RORA: variants seen among roughly 807,000 people sequenced by gnomAD.
RORA encodes nuclear receptor ROR-alpha.
A neutral mutation model predicts 69.5 loss-of-function variants in RORA; 7 were observed. That is an observed-to-expected ratio of 0.10 (90% CI 0.06 to 0.19). RORA has a LOEUF of 0.19. RORA is among the 10% of genes least tolerant of loss of function. RORA has a pLI of 1.00. For synonymous variants in RORA, 261 were observed against 240.8 expected (o/e 1.08, Z -0.78); for missense variants, 457 against 663.0 (o/e 0.69, Z 3.41).
Position 60,920,929 on chromosome 15 carries a change from A to C in RORA, c.167-242243T>G, listed in dbSNP as rs577128842. 2.0e-5 allele frequency among the ~76,000 whole-genome samples: 3 copies of C among 152,316 alleles called. No individual in the cohort carries two copies. In the South Asian group the frequency reaches 6.2e-4, roughly 32 times the overall value. On this transcript the variant is annotated intron_variant, in intron 1 of 10. Transcript: ENST00000335670. ...AAACTCACTTCAAGGAAGATTTATG[A>C]AGCCTTGAAGGTCTGGATTGGGCCT... is the stretch of plus-strand genomic sequence containing the variant.
intron 1 of RORA, among the ~76,000 whole-genome samples, chr15:61,121,013 A>G (rs1406580173): frequency 2.6e-5 from 4 of 151,610 alleles, no homozygotes; most frequent in African/African-American, 9.7e-5. Context: ...ACACCCGGCT[A>G]ATTTTTTTGT....
chr15:60,993,995 A>G (rs1347118068), intron 1 of RORA, among the ~76,000 whole-genome samples: 1 of 152,212 alleles, frequency 6.6e-6, no homozygotes, highest in Non-Finnish European at 1.5e-5. Flanking sequence ...GGCAAAAAAC[A>G]TGTGTTACCC....
At chr15:61,209,356 C>T (rs762307227) in intron 1 of RORA, among the ~76,000 whole-genome samples, 4 of 151,656 alleles carry the variant, frequency 2.6e-5, no homozygotes, top group Admixed American at 1.3e-4. Context: ...TGATTTCAAA[C>T]AGTACAGGAA....
At chr15:61,019,383 T>A (rs1264607236) in intron 1 of RORA, among the ~76,000 whole-genome samples, 2 of 152,214 alleles carry the variant, frequency 1.3e-5, no homozygotes, top group Admixed American at 1.3e-4. Context: ...GGGTTCTTCC[T>A]CCATTTTGTG....
intron 1 of RORA, among the ~76,000 whole-genome samples, chr15:60,688,867 T>C (rs1441294075): frequency 6.6e-6 from 1 of 152,170 alleles, no homozygotes; most frequent in Non-Finnish European, 1.5e-5. Flanking sequence ...CCAATGACTA[T>C]AGGGCATATG....
intron 1 of RORA, among the ~76,000 whole-genome samples, chr15:61,142,157 T>C (rs78839170): frequency 7.0e-6 from 1 of 143,356 alleles, no homozygotes; most frequent in Non-Finnish European, 1.5e-5. Context: ...GTTTTTTTTT[T>C]TATTGTTGTT....
rs7162987 is a variant in RORA at position 60,905,838 on chromosome 15, G to C, written c.167-227152C>G. Among the ~76,000 whole-genome samples the C allele has an allele frequency of 2.6e-5, 4 of 152,164 alleles. No homozygotes were observed. Among genetic ancestry groups the C allele is most frequent in the Admixed American group, 2.6e-4 (4 of 15,282 alleles). On this transcript the variant is annotated intron_variant, in intron 1 of 10. Coordinates refer to ENST00000335670, the MANE Select transcript of RORA (RefSeq NM_134261.3). This position sits in a 1 kb window ranked among gnomAD's most constrained non-coding sequence, Gnocchi z 4.8. The stretch of plus-strand genomic sequence containing the variant: ...GATATCCCTTTCCTTGCTACTGAAA[G>C]AAATGGTGCTGAATTCACCTTGTTC...
chr15:61,017,844 G>A (rs751071006), intron 1 of RORA, among the ~76,000 whole-genome samples: 3 of 151,948 alleles, frequency 2.0e-5, no homozygotes, highest in Non-Finnish European at 4.4e-5. Context: ...CTTCCTAATC[G>A]CTGTTACAGT....
At chr15:60,665,819 C>A (rs559172273) in intron 2 of RORA, among the ~76,000 whole-genome samples, 1 of 152,036 alleles carries the variant, frequency 6.6e-6, no homozygotes, top group Non-Finnish European at 1.5e-5. Context: ...AGATTACAGG[C>A]GCCTGTCACC....
chr15:60,693,863 A>T (rs529291356), intron 1 of RORA, among the ~76,000 whole-genome samples: 5 of 152,360 alleles, frequency 3.3e-5, no homozygotes, highest in Non-Finnish European at 5.9e-5. Flanking sequence ...AAATGGCCAT[A>T]CTACCCAAAG....
intron 2 of RORA, among the ~76,000 whole-genome samples, chr15:60,636,283 T>C (rs1446178408): frequency 6.6e-6 from 1 of 152,160 alleles, no homozygotes; most frequent in African/African-American, 2.4e-5. Context: ...TAGAAAGAGG[T>C]AGGGATGTGA....
intron 1 of RORA, among the ~76,000 whole-genome samples, chr15:61,171,368 C>T (rs756199170): frequency 8.5e-5 from 13 of 152,168 alleles, no homozygotes; most frequent in Non-Finnish European, 1.8e-4. Flanking sequence ...GTCACAATGA[C>T]CTGGAGAGCC....
chr15:60,755,932 G>A (rs1256893376), intron 1 of RORA, among the ~76,000 whole-genome samples: 1 of 152,146 alleles, frequency 6.6e-6, no homozygotes. Context: ...TTTATTCACT[G>A]AATATCTGCA....
chr15:60,943,306 A>AT lies in RORA; in HGVS notation c.167-264621dup, dbSNP rs34024444. Among the ~76,000 whole-genome samples, 902 of 146,278 alleles carry AT rather than the reference A, an allele frequency of 6.2e-3. 6 individuals carry two copies. Among genetic ancestry groups the AT allele is most frequent in the African/African-American group, 0.019 (749 of 39,722 alleles). ...TTTAACCTCTCACATGTCTTTCTTAATTTTTTTTTTTTTTCACTTTTAAAG... is the reference window on the plus strand; with the variant it reads ...TTTAACCTCTCACATGTCTTTCTTAATTTTTTTTTTTTTTTCACTTTTAAAG... On this transcript the variant is annotated intron_variant, in intron 1 of 10. Coordinates refer to ENST00000335670, the MANE Select transcript of RORA (RefSeq NM_134261.3).
chr15:60,633,287 C>T (rs961249987), intron 2 of RORA, among the ~76,000 whole-genome samples: 4 of 152,156 alleles, frequency 2.6e-5, no homozygotes, highest in Non-Finnish European at 4.4e-5. Context: ...TGTGCCAGTT[C>T]GAATTCTGAT....
intron 2 of RORA, among the ~76,000 whole-genome samples, chr15:60,540,401 T>A (rs2066824678): frequency 6.6e-6 from 1 of 152,196 alleles, no homozygotes; most frequent in African/African-American, 2.4e-5. Context: ...CTGCATTTTA[T>A]GAAACAATCT....
At position 61,183,981 on chromosome 15, in the gene RORA, A is replaced by ATGTGTG. The variant is rs2079714656; in HGVS notation, c.166+45071_166+45072insCACACA. 2.0e-5 allele frequency among the ~76,000 whole-genome samples: 3 copies of ATGTGTG among 152,086 alleles called. No homozygotes were observed. The South Asian group carries it at 6.2e-4, about 32-fold the overall frequency. On this transcript the variant is annotated intron_variant, in intron 1 of 10. Coordinates refer to ENST00000335670, the MANE Select transcript of RORA (RefSeq NM_134261.3). ...CTCCCACACACCTCTGCCCTAACCC[A>ATGTGTG]GTGATCCTCTCCTCATCTGTTAATT...
Position 60,489,373 on chromosome 15 carries a change from A to G in RORA, c.*8082T>C, listed in dbSNP as rs192849525. ...GAATTTATCACCTTCAGTTACAAAA[A>G]GTGCAGTAAACAGAAACATTTGCTC... is the stretch of plus-strand genomic sequence containing the variant. On this transcript the variant is annotated 3_prime_UTR_variant, in exon 11 of 11. Transcript: ENST00000335670. The G allele has an allele frequency of 3.3e-5, 5 of 152,350 alleles. No homozygotes were observed. In the East Asian group the frequency reaches 5.8e-4, roughly 18 times the overall value. 9.4% of individuals were successfully genotyped at this position (152,350 alleles called of 1,614,324 possible).
intron 1 of RORA, among the ~76,000 whole-genome samples, chr15:60,881,589 C>T (rs2073680825): frequency 6.6e-6 from 1 of 151,854 alleles, no homozygotes; most frequent in East Asian, 1.9e-4. Flanking sequence ...AACCTCTAGC[C>T]TTTCTTTTAC....
Sources: allele counts gnomAD v4.1 joint callset (sites outside exome capture counted in the v4.1 genomes callset), GRCh38; gene constraint gnomAD v4.1.1; non-coding constraint Gnocchi (gnomAD v3.1); transcripts MANE v1.5; gene names NCBI Gene and HGNC (gene_info 2026-07-23, HGNC 2026-07-21).